Variants in TIGAR observed in about 807,000 individuals in gnomAD.
TIGAR encodes fructose-2,6-bisphosphatase TIGAR.
In TIGAR, 7 loss-of-function variants were observed where a neutral mutation model predicts 17.9. That is an observed-to-expected ratio of 0.39 (90% CI 0.22 to 0.73). The LOEUF is 0.73. Ranked by LOEUF, TIGAR falls within the 30% of genes least tolerant of loss-of-function variation. The pLI is 0.42. For missense variants in TIGAR, 258 were observed against 327.4 expected (o/e 0.79, Z 1.64); for synonymous variants, 94 against 108.6 (o/e 0.87, Z 0.84).
intron 1 of TIGAR, among the ~76,000 whole-genome samples, chr12:4,328,920 C>G (rs1864575406): frequency 6.6e-6 from 1 of 152,100 alleles, no homozygotes; most frequent in African/African-American, 2.4e-5. Flanking sequence ...ATTTTTTAAG[C>G]TAATACATCT....
chr12:4,331,213 A>T (rs925289528), intron 1 of TIGAR, 67 bp from the exon 2 acceptor site: 1 of 1,420,688 alleles, frequency 7.0e-7, no homozygotes, highest in African/African-American at 1.4e-5. Flanking sequence ...TTGATTGCTC[A>T]TTTTTTTCCT....
At chr12:4,337,972 A>G (rs899394877) in intron 3 of TIGAR, among the ~76,000 whole-genome samples, 6 of 152,100 alleles carry the variant, frequency 3.9e-5, no homozygotes, top group African/African-American at 9.7e-5. Context: ...CTCCACTACA[A>G]ATACAAAAAT....
chr12:4,351,022 A>G (rs1248230726), intron 4 of TIGAR, among the ~76,000 whole-genome samples: 1 of 152,190 alleles, frequency 6.6e-6, no homozygotes, highest in African/African-American at 2.4e-5. Context: ...TGCTTGCAAT[A>G]GCAAGTTCTT....
chr12:4,333,002 G>A (rs549799080), intron 2 of TIGAR, among the ~76,000 whole-genome samples: 3 of 152,152 alleles, frequency 2.0e-5, no homozygotes, highest in South Asian at 2.1e-4. Context: ...CTTTTGTATC[G>A]ACTGAGGTTA....
At chr12:4,338,593 A>G (rs1028195317) in intron 3 of TIGAR, among the ~76,000 whole-genome samples, 2 of 152,220 alleles carry the variant, frequency 1.3e-5, no homozygotes, top group African/African-American at 2.4e-5. Context: ...ACAAATGATA[A>G]TGGAAACACA....
chr12:4,331,312 T>C lies in TIGAR; in HGVS notation c.65T>C (p.Ile22Thr), dbSNP rs756815595. The C allele has an allele frequency of 6.2e-7, 1 of 1,610,132 alleles. No individual in the cohort carries two copies. The highest frequency in any genetic ancestry group is 8.5e-7 in the Non-Finnish European group (1 of 1,176,388). ...GETRFNKEKI[I>T]QGQGVDEPLS... Reference sequence around the variant, plus strand: ...ACAAGATTTAACAAGGAGAAAATAATCCAAGGTTGGTATAATCCGATTGTT... The same window carrying C: ...ACAAGATTTAACAAGGAGAAAATAACCCAAGGTTGGTATAATCCGATTGTT... Residue 22 changes from isoleucine to threonine, a missense_variant, in exon 2 of 6, where the codon ATC (isoleucine) becomes ACC (threonine). Ile to Thr is a moderately conservative substitution (Grantham distance 89). Coordinates refer to ENST00000179259, the MANE Select transcript of TIGAR (RefSeq NM_020375.3).
chr12:4,351,450 C>A, intron 5 of TIGAR, 73 bp downstream of exon 5: 2 of 1,280,998 alleles, frequency 1.6e-6, no homozygotes, highest in South Asian at 2.5e-5. Flanking sequence ...TTTAGCTAAG[C>A]AGTTTGAAAG....
At chr12:4,336,492 A>T (rs12371332) in intron 2 of TIGAR, among the ~76,000 whole-genome samples, 2 of 140,212 alleles carry the variant, frequency 1.4e-5, no homozygotes, top group Non-Finnish European at 3.2e-5. Context: ...ACACACACAC[A>T]CACTCACACA....
intron 2 of TIGAR, 33 bp from the exon 3 acceptor site, chr12:4,337,006 A>G: frequency 1.3e-6 from 2 of 1,556,238 alleles, no homozygotes; most frequent in Non-Finnish European, 1.8e-6. Context: ...TGTAGTTTTG[A>G]ATGTTATTGT....
rs147335411 is a variant in TIGAR at position 4,357,781 on chromosome 12, C to A, written c.*5090C>A. 4.0e-4 allele frequency among the ~76,000 whole-genome samples: 61 copies of A among 152,274 alleles called. 1 individual carries two copies. Among genetic ancestry groups the A allele is most frequent in the African/African-American group, 1.4e-3 (59 of 41,560 alleles). ...AGAAGGCCTGGATTCAGGTTCAAGG[C>A]CTGGTTCTTAGTAATTTTGTGACCA... On this transcript the variant is annotated 3_prime_UTR_variant, in exon 6 of 6. Transcript: ENST00000179259.
In TIGAR at chr12:4,355,746, G is replaced by A. The variant is rs954989296; in HGVS notation, c.*3055G>A. 5.3e-5 allele frequency among the ~76,000 whole-genome samples: 8 copies of A among 152,216 alleles called. No individual in the cohort carries two copies. Among genetic ancestry groups the A allele is most frequent in the Admixed American group, 4.6e-4 (7 of 15,284 alleles). Reference sequence around the variant, plus strand: ...AGACAGTGTGTTGGCTCACATTGTGGTCAGTGCTGTTGAGCAAAATAGGTC... The same window carrying A: ...AGACAGTGTGTTGGCTCACATTGTGATCAGTGCTGTTGAGCAAAATAGGTC... On this transcript the variant is annotated 3_prime_UTR_variant, in exon 6 of 6. Transcript: ENST00000179259.
intron 3 of TIGAR, among the ~76,000 whole-genome samples, chr12:4,345,159 A>G (rs1864766205): frequency 6.6e-6 from 1 of 152,240 alleles, no homozygotes; most frequent in Admixed American, 6.5e-5. Flanking sequence ...GGAAGAATCA[A>G]TATCATGAAA....
At chr12:4,332,541 G>A (rs1234261735) in intron 2 of TIGAR, among the ~76,000 whole-genome samples, 1 of 152,138 alleles carries the variant, frequency 6.6e-6, no homozygotes, top group Non-Finnish European at 1.5e-5. Flanking sequence ...GCCGCACGCG[G>A]CCTCAAGGCT....
intron 3 of TIGAR, among the ~76,000 whole-genome samples, chr12:4,338,806 C>T (rs776264692): frequency 6.6e-6 from 1 of 151,458 alleles, no homozygotes; most frequent in African/African-American, 2.4e-5. Context: ...GGTGAAACAC[C>T]GTCTCCACTG....
Position 4,335,290 on chromosome 12 carries a change from G to A in TIGAR, c.71-1749G>A, listed in dbSNP as rs555112978. ...GACCTCGAGTGATCCACCCCCTTCA[G>A]CCTCCCAAAGTGCTGGGATTGCAGG... On this transcript the variant is annotated intron_variant, in intron 2 of 5. Coordinates refer to ENST00000179259, the MANE Select transcript of TIGAR (RefSeq NM_020375.3). 9.9e-5 allele frequency among the ~76,000 whole-genome samples: 15 copies of A among 151,854 alleles called. No individual in the cohort carries two copies. In the East Asian group the frequency reaches 2.7e-3, roughly 27 times the overall value.
intron 3 of TIGAR, among the ~76,000 whole-genome samples, chr12:4,347,742 C>T (rs1395922493): frequency 1.3e-5 from 2 of 152,134 alleles, no homozygotes; most frequent in Non-Finnish European, 2.9e-5. Context: ...ATGAAAACCT[C>T]AGTGGAAGTA....
At chr12:4,327,952 C>A (rs1397645817) in intron 1 of TIGAR, among the ~76,000 whole-genome samples, 2 of 152,094 alleles carry the variant, frequency 1.3e-5, no homozygotes, top group African/African-American at 4.8e-5. Context: ...AGGCATGAGC[C>A]ACCGCGCCCA....
intron 1 of TIGAR, among the ~76,000 whole-genome samples, chr12:4,329,842 T>G (rs1350767973): frequency 2.6e-5 from 4 of 152,050 alleles, no homozygotes; most frequent in African/African-American, 9.7e-5. Flanking sequence ...CTTGTGCCTT[T>G]AAGGAACTGG....
Position 4,356,574 on chromosome 12 carries a change from A to T in TIGAR, c.*3883A>T, listed in dbSNP as rs1038725521. On this transcript the variant is annotated 3_prime_UTR_variant, in exon 6 of 6. Coordinates refer to ENST00000179259, the MANE Select transcript of TIGAR (RefSeq NM_020375.3). The stretch of plus-strand genomic sequence containing the variant: ...GTTACCATCGGTGAGCCCACATTAC[A>T]CTGACATATCCACATCACCTGAAAC... Among the ~76,000 whole-genome samples the T allele has an allele frequency of 6.6e-6, 1 of 152,092 alleles. No homozygotes were observed. The highest frequency in any genetic ancestry group is 2.4e-5 in the African/African-American group (1 of 41,420).
Sources: allele counts gnomAD v4.1 joint callset (sites outside exome capture counted in the v4.1 genomes callset), GRCh38; gene constraint gnomAD v4.1.1; transcripts MANE v1.5; gene names NCBI Gene and HGNC (gene_info 2026-07-23, HGNC 2026-07-21).